Variants in DOCK7 observed in about 807,000 individuals in gnomAD.
The protein encoded by DOCK7 is dedicator of cytokinesis 7.
DOCK7 carries 138 observed loss-of-function variants against 271.0 expected under a neutral mutation model. The observed-to-expected ratio is 0.51, with a 90% confidence interval of 0.44 to 0.59. DOCK7 has a LOEUF of 0.59. Ranked by LOEUF, DOCK7 falls within the 20% of genes least tolerant of loss-of-function variation. DOCK7 has a pLI of 0.00. For synonymous variants in DOCK7, 823 were observed against 876.1 expected, an observed-to-expected ratio of 0.94 and a Z score of 1.07; for missense variants, 2,066 against 2,592.4, an observed-to-expected ratio of 0.80 and a Z score of 4.41.
intron 18 of DOCK7, among the ~76,000 whole-genome samples, chr1:62,570,773 T>C (rs1646745534): frequency 6.6e-6 from 1 of 152,180 alleles, no homozygotes; most frequent in South Asian, 2.1e-4. Context: ...CCATCTGATC[T>C]TCAACAAACC....
chr1:62,488,843 C>G (rs548122391), intron 42 of DOCK7, 91 bp downstream of exon 42: 2 of 1,516,136 alleles, frequency 1.3e-6, no homozygotes, highest in African/African-American at 2.8e-5. Context: ...GGTCATTTCA[C>G]GGGATCTAGT....
intron 37 of DOCK7, among the ~76,000 whole-genome samples, chr1:62,504,243 A>G (rs1217571944): frequency 1.3e-5 from 2 of 152,204 alleles, no homozygotes; most frequent in Non-Finnish European, 2.9e-5. Context: ...AATATAACAC[A>G]TGAATATAAC....
At chr1:62,518,779 A>G (rs1038977272) in intron 31 of DOCK7, among the ~76,000 whole-genome samples, 14 of 151,514 alleles carry the variant, frequency 9.2e-5, no homozygotes, top group African/African-American at 1.9e-4. Context: ...AAAAGAGAGA[A>G]AAAAAAAACT....
chr1:62,510,483 C>A, intron 34 of DOCK7, 94 bp downstream of exon 34: 1 of 851,650 alleles, frequency 1.2e-6, no homozygotes. Context: ...AGTGTAAATA[C>A]TAAATGTAAA....
chr1:62,456,756 T>A (rs993365740), intron 49 of DOCK7, among the ~76,000 whole-genome samples: 1 of 152,024 alleles, frequency 6.6e-6, no homozygotes, highest in Non-Finnish European at 1.5e-5. Flanking sequence ...CCCAGCACCC[T>A]GGCTCTCTGG....
intron 18 of DOCK7, among the ~76,000 whole-genome samples, chr1:62,574,607 C>A (rs889593408): frequency 1.3e-5 from 2 of 152,170 alleles, no homozygotes; most frequent in African/African-American, 4.8e-5. Context: ...TGACATTATA[C>A]AACATGGCAG....
chr1:62,604,582 G>A, intron 14 of DOCK7: 2 of 1,545,618 alleles, frequency 1.3e-6, no homozygotes, highest in South Asian at 1.1e-5. Context: ...TACAGTAACA[G>A]TAACTACATA....
At chr1:62,570,834 G>A (rs1646748111) in intron 18 of DOCK7, among the ~76,000 whole-genome samples, 1 of 152,182 alleles carries the variant, frequency 6.6e-6, no homozygotes, top group Non-Finnish European at 1.5e-5. Flanking sequence ...AAATGGTGCT[G>A]TGAGAACTGG....
At chr1:62,553,853 GCA>G (rs138684696) in intron 21 of DOCK7, among the ~76,000 whole-genome samples, 33 of 120,964 alleles carry the variant, frequency 2.7e-4, no homozygotes, top group Admixed American at 1.7e-3. Context: ...GTGCGTGCGC[GCA>G]CACACACACA....
intron 14 of DOCK7, chr1:62,604,787 C>T (rs1219479982): frequency 1.2e-6 from 2 of 1,612,980 alleles, no homozygotes; most frequent in East Asian, 2.2e-5. Context: ...AAATGTTGAT[C>T]CATCCAACAG....
chr1:62,496,096 C>T (rs1022921974), intron 38 of DOCK7, among the ~76,000 whole-genome samples: 2 of 152,142 alleles, frequency 1.3e-5, no homozygotes, highest in African/African-American at 4.8e-5. Flanking sequence ...TCTGCACTGT[C>T]CAAGTCTGCT....
chr1:62,683,966 G>A (rs988947621), intron 1 of DOCK7, among the ~76,000 whole-genome samples: 11 of 151,584 alleles, frequency 7.3e-5, no homozygotes, highest in Admixed American at 2.0e-4. Flanking sequence ...CAGGCTGAGC[G>A]AGGTGGCTTA....
intron 23 of DOCK7, among the ~76,000 whole-genome samples, chr1:62,544,575 C>G (rs1369553276): frequency 6.6e-6 from 1 of 152,022 alleles, no homozygotes; most frequent in East Asian, 1.9e-4. Context: ...ACACTTTAAA[C>G]CAAAAGCAAA....
intron 1 of DOCK7, among the ~76,000 whole-genome samples, chr1:62,687,961 A>C (rs1001694373): frequency 6.6e-6 from 1 of 152,128 alleles, no homozygotes; most frequent in Non-Finnish European, 1.5e-5. Context: ...GAGCAGGAGG[A>C]GGCGGGCGCG....
At chr1:62,506,394 T>G (rs1646937223) in intron 35 of DOCK7, among the ~76,000 whole-genome samples, 1 of 152,168 alleles carries the variant, frequency 6.6e-6, no homozygotes, top group Admixed American at 6.5e-5. Flanking sequence ...CAAGCAACCA[T>G]CTTGGGATCA....
At chr1:62,526,734 T>C (rs2149367003) in intron 31 of DOCK7, among the ~76,000 whole-genome samples, 1 of 152,280 alleles carries the variant, frequency 6.6e-6, no homozygotes, top group South Asian at 2.1e-4. Context: ...TGGAATACTA[T>C]TTGGCAATAA....
Position 62,648,545 on chromosome 1 carries a change from C to A in DOCK7, c.390-1G>T. On this transcript the variant is annotated splice_acceptor_variant, in intron 4 of 49. Transcript: ENST00000635253. LOFTEE classifies it high-confidence loss of function. ...AAATCCTGTTCCCAATTTATGATAT[C>A]TATTAAAGAAAAAAAGTTAAATAAA... is the stretch of plus-strand genomic sequence containing the variant. 7.8e-7 allele frequency: 1 copy of A among 1,282,624 alleles called. No homozygotes were observed. Among genetic ancestry groups the A allele is most frequent in the East Asian group, 2.9e-5 (1 of 34,788 alleles). The allele number at this position is 1,282,624 out of a possible 1,614,324, so 79.5% of individuals were successfully genotyped here.
intron 19 of DOCK7, among the ~76,000 whole-genome samples, chr1:62,561,315 G>A (rs906616630): frequency 1.3e-5 from 2 of 152,138 alleles, no homozygotes; most frequent in Non-Finnish European, 2.9e-5. Flanking sequence ...GAGAAATAAA[G>A]TGAGCTGATG....
rs548393662 is a variant in DOCK7 at position 62,495,576 on chromosome 1, G to A, written c.5024+5C>T. The A allele has an allele frequency of 9.7e-6, 15 of 1,546,308 alleles. No individual in the cohort carries two copies. In the South Asian group the frequency reaches 1.9e-4, roughly 20 times the overall value. On this transcript the variant is annotated splice_donor_5th_base_variant and intron_variant, in intron 39 of 49. Coordinates refer to ENST00000635253, the MANE Select transcript of DOCK7 (RefSeq NM_001367561.1). ...CAAAGCATAAATGAATCAAATAAAT[G>A]CTACCTGTACATTAGATCAATCAAC...
Sources: gnomAD v4.1 joint callset for allele counts (sites outside exome capture counted in the v4.1 genomes callset) on GRCh38, gnomAD v4.1.1 for gene constraint, MANE v1.5 for transcripts, NCBI Gene and HGNC (gene_info 2026-07-23, HGNC 2026-07-21) for gene names.